CEP170B: variants seen among roughly 807,000 people sequenced by gnomAD.
CEP170B encodes centrosomal protein 170B.
In CEP170B, 55 loss-of-function variants were observed where a neutral mutation model predicts 120.6. The ratio of observed to expected loss-of-function variants is 0.46; its 90% confidence interval spans 0.37 to 0.57. CEP170B has a LOEUF of 0.57. CEP170B is among the 20% of genes least tolerant of loss of function. The pLI is 0.00. For synonymous variants in CEP170B, 1,033 were observed against 954.5 expected (o/e 1.08, Z -1.52); for missense variants, 2,212 against 2,253.3 (o/e 0.98, Z 0.37).
At position 104,895,243 on chromosome 14, in the gene CEP170B, A is replaced by T. The variant is rs1482525383; in HGVS notation, c.*285A>T. The T allele has an allele frequency of 7.0e-6, 3 of 428,526 alleles. No individual in the cohort carries two copies. Among genetic ancestry groups the T allele is most frequent in the Non-Finnish European group, 1.2e-5 (3 of 243,538 alleles). The allele number at this position is 428,526 out of a possible 1,614,324, so 26.5% of individuals were successfully genotyped here. A position where few individuals can be genotyped will look rare whatever the true frequency, so the allele number is the denominator to read the frequency against. ...CTGCCAAGGTCAAGCCCTCAAGGGC[A>T]TTACCCCGCCTCCTCTTCATCACTG... On this transcript the variant is annotated 3_prime_UTR_variant, in exon 19 of 19. Transcript: ENST00000414716.
At chr14:104,872,315 GTGCCGTGGGTGTGCGTGGGTGTGCGTGT>G (rs1212917328) in intron 2 of CEP170B, among the ~76,000 whole-genome samples, 1 of 87,572 alleles carries the variant, frequency 1.1e-5, no homozygotes, top group East Asian at 2.6e-4. Flanking sequence ...GTGTGCGTGT[GTGCCGTGGGTGTGCGTGGGTGTGCGTGT>G]GTGTGCGTGT....
Position 104,894,334 on chromosome 14 carries a change from A to G in CEP170B, c.4321A>G (p.Ile1441Val). ...GRAWEDLEAR[I>V]NAENEVPILK... ...AGCTTGGGAGGACCTGGAAGCCAGGATCAACGCCGAGAACGAGGTGCCCAT... is the reference window on the plus strand; with the variant it reads ...AGCTTGGGAGGACCTGGAAGCCAGGGTCAACGCCGAGAACGAGGTGCCCAT... The change falls in exon 17 of 19, where the codon ATC becomes GTC. Residue 1441 changes from isoleucine (I) to valine (V), a missense_variant. Physicochemically the swap from Ile to Val is conservative, Grantham distance 29. Transcript: ENST00000414716. 1 of 1,613,592 alleles carries G rather than the reference A, an allele frequency of 6.2e-7. No homozygotes were observed. The highest frequency in any genetic ancestry group is 8.5e-7 in the Non-Finnish European group (1 of 1,179,866).
chr14:104,884,142 G>A lies in CEP170B; in HGVS notation c.1363G>A (p.Gly455Arg). The A allele has an allele frequency of 6.4e-7, 1 of 1,558,374 alleles. No homozygotes were observed. The highest frequency in any genetic ancestry group is 8.7e-7 in the Non-Finnish European group (1 of 1,152,576). ...CAGTGTCCCAGCCCCAGTCCAGGCA[G>A]GGGGCCGCAGCTCGGGGCCACAGAG... The part of the protein sequence containing the change: ...RPSVPAPVQA[G>R]GRSSGPQRAG... The change falls in exon 9 of 19, where the codon GGG (glycine) becomes AGG (arginine). Residue 455 changes from glycine (G) to arginine (R), a missense_variant. Around this residue, in one of 2 missense-constraint regions of CEP170B, gnomAD observed 2,166 missense variants for 2,166.7 expected, o/e 1.00. Coordinates refer to ENST00000414716, the MANE Select transcript of CEP170B (RefSeq NM_001112726.3).
At position 104,893,863 on chromosome 14, in the gene CEP170B, C is replaced by T. The variant is rs770236523; in HGVS notation, c.4271+14C>T. On this transcript the variant is annotated intron_variant, in intron 16 of 18. Coordinates refer to ENST00000414716, the MANE Select transcript of CEP170B (RefSeq NM_001112726.3). ...CGAGAAGATGAAGTGAGTCGGCTTC[C>T]TGGCTGAGGTGGACGCCCAGACACC... 6.2e-6 allele frequency: 10 copies of T among 1,607,264 alleles called. No homozygotes were observed. In the South Asian group the frequency reaches 1.1e-4, roughly 18 times the overall value.
intron 2 of CEP170B, among the ~76,000 whole-genome samples, chr14:104,875,425 G>A (rs1595319435): frequency 6.6e-6 from 1 of 152,144 alleles, no homozygotes; most frequent in Non-Finnish European, 1.5e-5. Flanking sequence ...GGATCCCCAG[G>A]CCTGTGGCTC....
At position 104,883,865 on chromosome 14, in the gene CEP170B, A is replaced by C; in HGVS notation, c.1086A>C (p.Ser362=). 6.4e-7 allele frequency: 1 copy of C among 1,572,780 alleles called. No individual in the cohort carries two copies. The highest frequency in any genetic ancestry group is 8.6e-7 in the Non-Finnish European group (1 of 1,159,926). Residue 362 remains serine (S), a synonymous_variant, in exon 9 of 19, where the codon TCA becomes TCC. Transcript: ENST00000414716. ...HKHEDGTQSD[S]EDPLAKAASA... The stretch of plus-strand genomic sequence containing the variant: ...ACGAGGACGGCACGCAGAGTGACTC[A>C]GAGGACCCCCTGGCCAAGGCGGCCT...
In CEP170B at chr14:104,893,143, C is replaced by T. The variant is rs2140755896; in HGVS notation, c.4038+8C>T. ...ATCTCTGCCCGGGAGGAGGTGAGCC[C>T]CAGGCTTTCTGAGGCCCCTGTGCCA... On this transcript the variant is annotated splice_region_variant and intron_variant, in intron 14 of 18. Coordinates refer to ENST00000414716, the MANE Select transcript of CEP170B (RefSeq NM_001112726.3). 6.2e-7 allele frequency: 1 copy of T among 1,604,844 alleles called. No individual in the cohort carries two copies.
chr14:104,876,404 C>A (rs769705015), intron 3 of CEP170B, 59 bp downstream of exon 3: 12 of 1,498,070 alleles, frequency 8.0e-6, no homozygotes, highest in Non-Finnish European at 1.1e-5. Context: ...GCCCTGGCCC[C>A]TCCCTCTCAG....
In CEP170B at chr14:104,887,377, G is replaced by A; in HGVS notation, c.3138G>A (p.Glu1046=). 9 of 1,612,146 alleles carry A rather than the reference G, an allele frequency of 5.6e-6. No homozygotes were observed. The highest frequency in any genetic ancestry group is 7.6e-6 in the Non-Finnish European group (9 of 1,179,684). The change falls in exon 12 of 19, where the codon GAG becomes GAA. Residue 1046 remains glutamate, a synonymous_variant. Transcript: ENST00000414716. ...RPRGSLDWPS[E]ERGPVLAHLP... The stretch of plus-strand genomic sequence containing the variant: ...GAGGGTCCCTGGATTGGCCCAGTGA[G>A]GAGCGTGGCCCTGTCCTCGCCCACC...
At position 104,883,485 on chromosome 14, in the gene CEP170B, C is replaced by G; in HGVS notation, c.1028C>G (p.Pro343Arg). The change falls in exon 8 of 19, where the codon CCT becomes CGT. Residue 343 changes from proline to arginine, a missense_variant. By Grantham distance (103) the Pro-to-Arg change is moderately radical. This residue lies in a region of CEP170B where 2,166 missense variants were observed against 2,166.7 expected (regional missense o/e 1.00). Transcript: ENST00000414716. ...CGCCACAGCACCAAGAGCGACCTGC[C>G]TGTCCACACCCGCACCCTGAAGGGT... ...DDRHSTKSDL[P>R]VHTRTLKGHK... 2 of 1,551,424 alleles carry G rather than the reference C, an allele frequency of 1.3e-6. No individual in the cohort carries two copies. The highest frequency in any genetic ancestry group is 1.2e-5 in the South Asian group (1 of 84,086).
upstream of CEP170B, among the ~76,000 whole-genome samples, chr14:104,865,067 G>A: frequency 6.6e-6 from 1 of 151,256 alleles, no homozygotes; most frequent in African/African-American, 2.4e-5. This position sits in a 1 kb window ranked among gnomAD's most constrained non-coding sequence, Gnocchi z 6.7. Flanking sequence ...GCCTGGGGCA[G>A]GGGCGGGATG....
chr14:104,889,410 G>A lies in CEP170B; in HGVS notation c.3740-210G>A, dbSNP rs1358160271. 14 of 1,310,340 alleles carry A rather than the reference G, an allele frequency of 1.1e-5. No homozygotes were observed. In the East Asian group the frequency reaches 3.1e-4, roughly 29 times the overall value. 81.2% of individuals were successfully genotyped at this position (1,310,340 alleles called of 1,614,324 possible). ...GGGGCACCAGCCTCGACGCTGCCCA[G>A]CCCTGCAGCACTGAGCCCTCTCCCA... On this transcript the variant is annotated intron_variant, in intron 12 of 18. Transcript: ENST00000414716.
chr14:104,878,457 G>A lies in CEP170B; in HGVS notation c.289G>A (p.Val97Met), dbSNP rs754506872. The A allele has an allele frequency of 8.1e-6, 13 of 1,612,598 alleles. No homozygotes were observed. The Admixed American group carries it at 1.3e-4, about 17-fold the overall frequency. Residue 97 changes from valine to methionine, a missense_variant, in exon 5 of 19, where the codon GTG (valine) becomes ATG (methionine). Physicochemically the swap from Val to Met is conservative, Grantham distance 21. Coordinates refer to ENST00000414716, the MANE Select transcript of CEP170B (RefSeq NM_001112726.3). ...IRFGYDSNMY[V>M]LERVQHRVPE... ...CACGTGTCCACATTCCAACATGTAT[G>A]TGCTGGAGCGTGTGCAGCACCGAGT... is the stretch of plus-strand genomic sequence containing the variant.
chr14:104,887,303 C>T lies in CEP170B; in HGVS notation c.3064C>T (p.Arg1022Cys), dbSNP rs773489458. 58 of 1,609,890 alleles carry T rather than the reference C, an allele frequency of 3.6e-5. No individual in the cohort carries two copies. The African/African-American group carries it at 4.5e-4, about 13-fold the overall frequency. The part of the protein sequence containing the change: ...HHPLGPTDMG[R>C]GEPVRRSAIR... ...CCCACTTGGCCCGACGGACATGGGC[C>T]GTGGAGAGCCGGTACGGCGCTCAGC... The change falls in exon 12 of 19, where the codon CGT becomes TGT. Residue 1022 changes from arginine (R) to cysteine (C), a missense_variant. Coordinates refer to ENST00000414716, the MANE Select transcript of CEP170B (RefSeq NM_001112726.3).
chr14:104,893,298 G>A (rs1307033796), intron 14 of CEP170B, among the ~76,000 whole-genome samples, 163 bp downstream of exon 14: 1 of 152,250 alleles, frequency 6.6e-6, no homozygotes, highest in Non-Finnish European at 1.5e-5. Flanking sequence ...AACGGCCACC[G>A]GAGAGCTCGA....
intron 2 of CEP170B, among the ~76,000 whole-genome samples, chr14:104,876,010 G>A (rs140747672): frequency 0.011 from 1,631 of 152,220 alleles, 35 homozygotes; most frequent in African/African-American, 0.037. Context: ...ACGGCCCAGC[G>A]GGGAGCATCT....
chr14:104,877,796 A>T lies in CEP170B; in HGVS notation c.196-89A>T, dbSNP rs1044525257. The stretch of plus-strand genomic sequence containing the variant: ...CCCGCGGCCCTGCCCACTGCCACCC[A>T]CCTGCTCAGCCCCACCACCCTGCGG... On this transcript the variant is annotated intron_variant, in intron 3 of 18. Transcript: ENST00000414716. 6 of 507,430 alleles carry T rather than the reference A, an allele frequency of 1.2e-5. No homozygotes were observed. In the African/African-American group the frequency reaches 1.9e-4, roughly 16 times the overall value. The allele number at this position is 507,430 out of a possible 1,614,324, so 31.4% of individuals were successfully genotyped here.
Position 104,883,350 on chromosome 14 carries a change from C to T in CEP170B, c.893C>T (p.Pro298Leu), listed in dbSNP as rs201541467. The stretch of plus-strand genomic sequence containing the variant: ...TTTTCCCTGCGCCAGCGGCGGCCCC[C>T]GGGCAAGGAGGCCACACCTGGCGAG... ...TKFSLRQRRP[P>L]GKEATPGEMV... Residue 298 changes from proline to leucine, a missense_variant, in exon 8 of 19, where the codon CCG becomes CTG. By Grantham distance (98) the Pro-to-Leu change is moderately conservative (BLOSUM62 -3). This residue lies in a region of CEP170B where 2,166 missense variants were observed against 2,166.7 expected (regional missense o/e 1.00). Transcript: ENST00000414716. The T allele has an allele frequency of 1.2e-3, 1,942 of 1,610,864 alleles. 16 individuals carry two copies. The East Asian group carries it at 0.016, about 14-fold the overall frequency.
Position 104,896,348 on chromosome 14 carries a change from G to GTT in CEP170B, c.*1391_*1392insTT, listed in dbSNP as rs1897074105. 1 of 338,656 alleles carries GTT rather than the reference G, an allele frequency of 3.0e-6. No individual in the cohort carries two copies. The highest frequency in any genetic ancestry group is 3.9e-5 in the Admixed American group (1 of 25,382). The allele number at this position is 338,656 out of a possible 1,614,324, so 21.0% of individuals were successfully genotyped here. On this transcript the variant is annotated 3_prime_UTR_variant, in exon 19 of 19. Coordinates refer to ENST00000414716, the MANE Select transcript of CEP170B (RefSeq NM_001112726.3). ...GTGTGAGGGGGGGCGGGGGTGGCAG[G>GTT]TGTCCCCCCCTGGTCCCCGCCCCAA...
Sources: gnomAD v4.1 joint callset for allele counts (sites outside exome capture counted in the v4.1 genomes callset) on GRCh38, gnomAD v4.1.1 for gene constraint, gnomAD v4.1.1 regional missense constraint, Gnocchi (gnomAD v3.1) non-coding constraint, MANE v1.5 for transcripts, NCBI Gene and HGNC (gene_info 2026-07-23, HGNC 2026-07-21) for gene names.